Variants in PAK5 observed in about 807,000 individuals in gnomAD.
The protein encoded by PAK5 is serine/threonine-protein kinase PAK 5.
In PAK5, 16 loss-of-function variants were observed where a neutral mutation model predicts 65.9. That is an observed-to-expected ratio of 0.24 (90% CI 0.16 to 0.37). The LOEUF (loss-of-function observed/expected upper bound fraction) is 0.37. Ranked by LOEUF, PAK5 falls within the 10% of genes least tolerant of loss-of-function variation. The pLI, the probability that PAK5 is intolerant of heterozygous loss-of-function variation, is 1.00. For missense variants in PAK5, 785 were observed against 903.9 expected (o/e 0.87, Z 1.69); for synonymous variants, 371 against 354.9 (o/e 1.05, Z -0.51).
chr20:9,650,525 C>T (rs915103370), intron 2 of PAK5, among the ~76,000 whole-genome samples: 2 of 152,174 alleles, frequency 1.3e-5, no homozygotes, highest in Admixed American at 6.5e-5. Flanking sequence ...TGCCAAAATT[C>T]CCCAATATTT....
At chr20:9,823,355 T>A (rs995386215) in intron 1 of PAK5, among the ~76,000 whole-genome samples, 4 of 152,222 alleles carry the variant, frequency 2.6e-5, no homozygotes, top group African/African-American at 9.6e-5. Flanking sequence ...AGGAATGGAC[T>A]GACAGTTTCT....
At chr20:9,675,796 A>G (rs745623630) in intron 2 of PAK5, among the ~76,000 whole-genome samples, 11 of 152,258 alleles carry the variant, frequency 7.2e-5, no homozygotes, top group Non-Finnish European at 1.3e-4. Context: ...TATGGATAAC[A>G]AACAAATTAG....
At chr20:9,583,064 A>C (rs2046007881) in intron 3 of PAK5, among the ~76,000 whole-genome samples, 1 of 152,148 alleles carries the variant, frequency 6.6e-6, no homozygotes, top group African/African-American at 2.4e-5. Context: ...TAGTATTAGA[A>C]ATTAAGATTT....
intron 1 of PAK5, among the ~76,000 whole-genome samples, chr20:9,773,399 C>A (rs2048855030): frequency 1.3e-5 from 2 of 152,080 alleles, no homozygotes; most frequent in Admixed American, 1.3e-4. Flanking sequence ...TCCCCCGACC[C>A]CACGACAGGC....
chr20:9,605,058 T>C (rs1239675154), intron 3 of PAK5, among the ~76,000 whole-genome samples: 1 of 152,140 alleles, frequency 6.6e-6, no homozygotes, highest in East Asian at 1.9e-4. Flanking sequence ...GAAAGTGCAA[T>C]GAAAATGAGA....
intron 2 of PAK5, among the ~76,000 whole-genome samples, chr20:9,645,246 T>C (rs1052501588): frequency 6.6e-6 from 1 of 152,262 alleles, no homozygotes; most frequent in Non-Finnish European, 1.5e-5. Flanking sequence ...GTACTTTACC[T>C]GTTTGAAACA....
intron 2 of PAK5, among the ~76,000 whole-genome samples, chr20:9,684,149 A>G (rs1213662399): frequency 6.6e-6 from 1 of 152,186 alleles, no homozygotes; most frequent in African/African-American, 2.4e-5. Context: ...TTTGTCATAG[A>G]AGGTAGCCAA....
At chr20:9,751,480 A>C (rs1038718038) in intron 1 of PAK5, among the ~76,000 whole-genome samples, 2 of 152,186 alleles carry the variant, frequency 1.3e-5, no homozygotes, top group African/African-American at 4.8e-5. Context: ...CCCATTTTTC[A>C]TGATGGAGAG....
intron 9 of PAK5, among the ~76,000 whole-genome samples, chr20:9,540,978 C>T (rs762519031): frequency 6.6e-5 from 10 of 152,116 alleles, no homozygotes; most frequent in East Asian, 1.9e-4. Flanking sequence ...CCTCGTGATC[C>T]GCCCACCTCG....
rs2045959452 is a variant in PAK5, at chr20:9,580,505, AC to A, written c.629del (p.Ser210MetfsTer64). On this transcript the variant is annotated frameshift_variant, in exon 4 of 10. Transcript: ENST00000353224. LOFTEE classifies it high-confidence loss of function. ...HSHLDSLSKP[S>X]EYSDLKWEYQ... ...ACTCCCACTTGAGGTCACTGTATTC[AC>A]TTGGTTTGCTCAGTGAGTCCAAATG... is the stretch of plus-strand genomic sequence containing the variant. The A allele has an allele frequency of 6.2e-7, 1 of 1,614,050 alleles. No individual in the cohort carries two copies. Among genetic ancestry groups the A allele is most frequent in the South Asian group, 1.1e-5 (1 of 91,088 alleles).
intron 6 of PAK5, among the ~76,000 whole-genome samples, chr20:9,560,294 A>T (rs1401309537): frequency 1.3e-5 from 2 of 152,186 alleles, no homozygotes; most frequent in East Asian, 3.8e-4. Flanking sequence ...AAAACCCTTC[A>T]GTTCTAGAGT....
At chr20:9,649,341 A>G (rs1194036053) in intron 2 of PAK5, among the ~76,000 whole-genome samples, 2 of 152,194 alleles carry the variant, frequency 1.3e-5, no homozygotes, top group African/African-American at 4.8e-5. Context: ...AGATCCCAGA[A>G]TCCTTGTTTC....
At chr20:9,641,780 T>A (rs891546855) in intron 3 of PAK5, among the ~76,000 whole-genome samples, 99 of 152,158 alleles carry the variant, frequency 6.5e-4, no homozygotes, top group African/African-American at 2.3e-3. Context: ...ACAGCGCCGG[T>A]GGGCCGGCAC....
At chr20:9,636,585 G>T (rs768362861) in intron 3 of PAK5, among the ~76,000 whole-genome samples, 2 of 152,112 alleles carry the variant, frequency 1.3e-5, no homozygotes, top group Non-Finnish European at 2.9e-5. Flanking sequence ...ATCTTTAAAA[G>T]ATAAAAAGAA....
intron 1 of PAK5, among the ~76,000 whole-genome samples, chr20:9,802,910 G>GTGTGTATATATATATATATA (rs142279832): frequency 0.034 from 1,575 of 46,212 alleles, 99 homozygotes; most frequent in African/African-American, 0.057. Flanking sequence ...ATATGTATGT[G>GTGTGTATATATATATATATA]TATATATATA....
At chr20:9,669,357 A>G (rs1201298838) in intron 2 of PAK5, among the ~76,000 whole-genome samples, 1 of 152,190 alleles carries the variant, frequency 6.6e-6, no homozygotes, top group African/African-American at 2.4e-5. Flanking sequence ...TTCTAGAAAT[A>G]TCTTAAAGAA....
chr20:9,652,373 A>C (rs2047213420), intron 2 of PAK5, among the ~76,000 whole-genome samples: 1 of 152,236 alleles, frequency 6.6e-6, no homozygotes, highest in African/African-American at 2.4e-5. Context: ...TTTGGGATCC[A>C]TAGGAAAATC....
intron 1 of PAK5, among the ~76,000 whole-genome samples, chr20:9,745,340 A>T (rs2048494499): frequency 6.6e-6 from 1 of 151,904 alleles, no homozygotes; most frequent in South Asian, 2.1e-4. Flanking sequence ...TATATGAATC[A>T]CATTCGACAT....
At chr20:9,740,632 C>T (rs935281238) in intron 1 of PAK5, among the ~76,000 whole-genome samples, 7 of 152,308 alleles carry the variant, frequency 4.6e-5, no homozygotes, top group South Asian at 2.1e-4. Flanking sequence ...AACTTGAGAA[C>T]GTACCTTGGC....
Sources: allele counts gnomAD v4.1 joint callset (sites outside exome capture counted in the v4.1 genomes callset), GRCh38; gene constraint gnomAD v4.1.1; transcripts MANE v1.5; gene names NCBI Gene and HGNC (gene_info 2026-07-23, HGNC 2026-07-21).